Variants in PRDX1 observed in about 807,000 individuals in gnomAD.
PRDX1 encodes the protein peroxiredoxin-1.
PRDX1 carries 19 observed loss-of-function variants against 20.7 expected under a neutral mutation model. The ratio of observed to expected loss-of-function variants is 0.92; its 90% CI spans 0.64 to 1.35. The LOEUF (loss-of-function observed/expected upper bound fraction) is 1.35, where lower values mean the gene tolerates loss of function less well. Ranked by LOEUF, PRDX1 falls within the 40% of genes most tolerant of loss-of-function variation. PRDX1 has a pLI of 0.00. For synonymous variants in PRDX1, 89 were observed against 83.9 expected, an observed-to-expected ratio of 1.06 and a Z score of -0.33; for missense variants, 226 against 240.0, an observed-to-expected ratio of 0.94 and a Z score of 0.38.
intron 2 of PRDX1, among the ~76,000 whole-genome samples, chr1:45,516,421 T>A (rs1012433931): frequency 1.3e-5 from 2 of 151,904 alleles, no homozygotes; most frequent in Non-Finnish European, 2.9e-5. Flanking sequence ...CCCAGGAGTT[T>A]GAGGCCAGCC....
chr1:45,520,154 GA>G (rs1643896173), intron 1 of PRDX1, among the ~76,000 whole-genome samples: 1 of 146,438 alleles, frequency 6.8e-6, no homozygotes, highest in South Asian at 2.1e-4. Context: ...GCAGTAAGCT[GA>G]GATCGCGCCA....
At chr1:45,519,714 G>A (rs1643890786) in intron 1 of PRDX1, among the ~76,000 whole-genome samples, 1 of 152,162 alleles carries the variant, frequency 6.6e-6, no homozygotes, top group Non-Finnish European at 1.5e-5. Context: ...TCCTGCCTCA[G>A]CCTCCATAGT....
At chr1:45,514,751 G>A in intron 4 of PRDX1, 114 bp from the exon 5 acceptor site, 1 of 1,566,000 alleles carries the variant, frequency 6.4e-7, no homozygotes, top group Non-Finnish European at 8.7e-7. Context: ...TACTGGCCTG[G>A]CCTTAGTGAG....
chr1:45,516,945 G>A (rs1288854992), intron 2 of PRDX1, among the ~76,000 whole-genome samples: 1 of 151,394 alleles, frequency 6.6e-6, no homozygotes, highest in African/African-American at 2.4e-5. Flanking sequence ...CACTTGAACC[G>A]GGGAGATGGA....
chr1:45,517,097 C>T (rs1643868350), intron 2 of PRDX1, among the ~76,000 whole-genome samples: 1 of 151,674 alleles, frequency 6.6e-6, no homozygotes, highest in African/African-American at 2.4e-5. Flanking sequence ...GAAACTAACT[C>T]ATCTAAACAA....
rs903090629 is a variant in PRDX1 at position 45,515,717 on chromosome 1, A to T, written c.197T>A (p.Phe66Tyr). ...IIAFSDRAEE[F>Y]KKLNCQVIGA... Reference sequence around the variant, plus strand: ...AATCACTTGGCAGTTGAGTTTCTTAAATTCTTCTGCCCTATCACTGAAAGC... The same window carrying T: ...AATCACTTGGCAGTTGAGTTTCTTATATTCTTCTGCCCTATCACTGAAAGC... Residue 66 changes from phenylalanine to tyrosine, a missense_variant, in exon 3 of 6, where the codon TTT (phenylalanine) becomes TAT (tyrosine). By Grantham distance (22) the Phe-to-Tyr change is conservative. Coordinates refer to ENST00000319248, the MANE Select transcript of PRDX1 (RefSeq NM_181697.3). 13 of 1,607,956 alleles carry T rather than the reference A, an allele frequency of 8.1e-6. No homozygotes were observed. The highest frequency in any genetic ancestry group is 1.1e-5 in the Non-Finnish European group (13 of 1,178,138).
chr1:45,517,656 C>G (rs1376834345), intron 2 of PRDX1, among the ~76,000 whole-genome samples: 1 of 152,064 alleles, frequency 6.6e-6, no homozygotes, highest in Non-Finnish European at 1.5e-5. Flanking sequence ...GTTGCGGGCG[C>G]CTGTAGTCCC....
intron 5 of PRDX1, 128 bp downstream of exon 5, chr1:45,514,379 A>ACTTTGTCTC: frequency 8.2e-7 from 1 of 1,213,658 alleles, no homozygotes; most frequent in South Asian, 1.4e-5. Flanking sequence ...TTCTTTCTCT[A>ACTTTGTCTC]TACTTTGTCT....
intron 2 of PRDX1, among the ~76,000 whole-genome samples, chr1:45,518,189 G>C (rs1162032082): frequency 6.6e-6 from 1 of 151,900 alleles, no homozygotes; most frequent in East Asian, 1.9e-4. Flanking sequence ...TAAGCCAGGC[G>C]TGGTGGCTCA....
intron 2 of PRDX1, among the ~76,000 whole-genome samples, chr1:45,516,081 T>C (rs747134452): frequency 6.6e-5 from 10 of 152,252 alleles, no homozygotes; most frequent in Non-Finnish European, 1.0e-4. Context: ...TGATCTTTTC[T>C]GAGTGGCTAA....
intron 5 of PRDX1, chr1:45,513,477 G>A (rs1240633609): frequency 1.3e-5 from 2 of 152,214 alleles, no homozygotes; most frequent in East Asian, 3.8e-4. Context: ...TTATTTGGTA[G>A]CTTCTGTTCC....
At position 45,515,841 on chromosome 1, in the gene PRDX1, GAC is replaced by G. The variant is rs35635144; in HGVS notation, c.107-36_107-35del. ...AAAATCGGAGTCATGGTTAGCATTT[GAC>G]ACAGACTTCCTTGCTTTATATTTTC... On this transcript the variant is annotated intron_variant, in intron 2 of 5. Transcript: ENST00000319248. 19,786 of 1,510,988 alleles carry G rather than the reference GAC, an allele frequency of 0.013. 1,864 individuals are homozygous for G. In the African/African-American group the frequency reaches 0.22, roughly 17 times the overall value. The allele number at this position is 1,510,988 out of a possible 1,614,324, so 93.6% of individuals were successfully genotyped here.
At chr1:45,513,145 A>C (rs1643787757) in intron 5 of PRDX1, 1 of 152,146 alleles carries the variant, frequency 6.6e-6, no homozygotes, top group Non-Finnish European at 1.5e-5. Context: ...TCTTGCAAAA[A>C]ATAAATAAAT....
intron 2 of PRDX1, among the ~76,000 whole-genome samples, chr1:45,518,279 A>G (rs1643878464): frequency 6.6e-6 from 1 of 151,984 alleles, no homozygotes; most frequent in Non-Finnish European, 1.5e-5. Flanking sequence ...CCTGACCACC[A>G]TGGAGAAACC....
intron 1 of PRDX1, among the ~76,000 whole-genome samples, chr1:45,520,385 A>G (rs2149330400): frequency 6.6e-6 from 1 of 151,296 alleles, no homozygotes; most frequent in African/African-American, 2.4e-5. Flanking sequence ...TACTGCTGAA[A>G]AGGAAGGTTG....
At chr1:45,516,298 T>C (rs1643861953) in intron 2 of PRDX1, among the ~76,000 whole-genome samples, 1 of 152,202 alleles carries the variant, frequency 6.6e-6, no homozygotes, top group African/African-American at 2.4e-5. Context: ...GTTTAAGTGA[T>C]CACATGTGTT....
chr1:45,514,766 C>T (rs1643826746), intron 4 of PRDX1, 107 bp downstream of exon 4: 1 of 1,568,510 alleles, frequency 6.4e-7, no homozygotes, highest in Admixed American at 1.8e-5. Context: ...AGTGAGGAGG[C>T]CCCTGCATAA....
chr1:45,511,512 A>G, intron 5 of PRDX1, 98 bp from the exon 6 acceptor site: 1 of 895,066 alleles, frequency 1.1e-6, no homozygotes, highest in South Asian at 1.7e-5. Context: ...ACACTCAGAT[A>G]CCAGGAAACC....
At position 45,515,782 on chromosome 1, in the gene PRDX1, G is replaced by A. The variant is rs781707654; in HGVS notation, c.132C>T (p.Tyr44=). 9 of 1,581,274 alleles carry A rather than the reference G, an allele frequency of 5.7e-6. No homozygotes were observed. Among genetic ancestry groups the A allele is most frequent in the Non-Finnish European group, 7.7e-6 (9 of 1,168,878 alleles). The change falls in exon 3 of 6, where the codon TAC becomes TAT. Residue 44 remains tyrosine (Y), a synonymous_variant. Coordinates refer to ENST00000319248, the MANE Select transcript of PRDX1 (RefSeq NM_181697.3). ...GGCACACAAAGGTGAAGTCAAGAGG[G>A]TAAAAGAAGAACACAACATATTTTC... ...YKGKYVVFFF[Y]PLDFTFVCPT...
Sources: allele counts gnomAD v4.1 joint callset (sites outside exome capture counted in the v4.1 genomes callset), GRCh38; gene constraint gnomAD v4.1.1; transcripts MANE v1.5; gene names NCBI Gene and HGNC (gene_info 2026-07-23, HGNC 2026-07-21).